KCNMB3: variants seen among roughly 807,000 people sequenced by gnomAD.
KCNMB3 encodes calcium-activated potassium channel subunit beta-3.
Under a neutral mutation model 11.9 loss-of-function variants are expected in KCNMB3, and 18 were observed. That is an observed-to-expected ratio of 1.51 (90% confidence interval 1.04 to 2.23). The LOEUF (loss-of-function observed/expected upper bound fraction) is 2.23. Ranked by LOEUF, KCNMB3 falls within the 30% of genes most tolerant of loss-of-function variation. The pLI is 0.00. For synonymous variants in KCNMB3, 78 were observed against 119.2 expected, an observed-to-expected ratio of 0.65 and a Z score of 2.25; for missense variants, 247 against 329.4, an observed-to-expected ratio of 0.75 and a Z score of 1.94.
intron 1 of KCNMB3, among the ~76,000 whole-genome samples, chr3:179,262,959 C>T (rs902812613): frequency 6.6e-6 from 1 of 152,250 alleles, no homozygotes; most frequent in African/African-American, 2.4e-5. Flanking sequence ...TTCTCCAAGT[C>T]CCCACCAGAC....
downstream of KCNMB3, chr3:179,240,225 A>C (rs1725419152): frequency 1.8e-6 from 1 of 548,972 alleles, no homozygotes; most frequent in South Asian, 2.7e-5. Flanking sequence ...AGTTCTTTTC[A>C]GTAATGACTA....
chr3:179,264,095 C>T (rs1726306569), intron 1 of KCNMB3, among the ~76,000 whole-genome samples: 1 of 152,078 alleles, frequency 6.6e-6, no homozygotes, highest in South Asian at 2.1e-4. Flanking sequence ...CATAATCCAC[C>T]GCACCTGGCC....
chr3:179,263,008 C>A (rs898545481), intron 1 of KCNMB3, among the ~76,000 whole-genome samples: 1 of 152,244 alleles, frequency 6.6e-6, no homozygotes, highest in East Asian at 1.9e-4. Context: ...GATCCCGCAC[C>A]GGGGCCACAG....
chr3:179,261,108 G>T, intron 1 of KCNMB3: 1 of 1,227,042 alleles, frequency 8.1e-7, no homozygotes, highest in Non-Finnish European at 1.2e-6. Context: ...TATTTTTCTG[G>T]TCTCTCTTCT....
At chr3:179,258,915 T>G in intron 1 of KCNMB3, 4 of 1,608,980 alleles carry the variant, frequency 2.5e-6, no homozygotes, top group Non-Finnish European at 3.4e-6. Context: ...TGGCATACAG[T>G]GCATCTCTAT....
chr3:179,258,889 T>C (rs1726108146), intron 1 of KCNMB3: 3 of 1,596,024 alleles, frequency 1.9e-6, no homozygotes, highest in Middle Eastern at 1.7e-4. Flanking sequence ...CTTAAAGCAG[T>C]AGATCACCTG....
At chr3:179,260,705 T>TC in intron 1 of KCNMB3, 1 of 1,412,692 alleles carries the variant, frequency 7.1e-7, no homozygotes, top group Non-Finnish European at 1.0e-6. Flanking sequence ...CTCGAGCATT[T>TC]CCTCTGTTTG....
intron 1 of KCNMB3, among the ~76,000 whole-genome samples, 168 bp downstream of exon 1, chr3:179,250,575 C>A (rs1560156963): frequency 6.6e-6 from 1 of 152,192 alleles, no homozygotes; most frequent in African/African-American, 2.4e-5. Context: ...TTCCTCCACA[C>A]CCAGCTGCCC....
At chr3:179,252,943 A>G (rs546419903), upstream of KCNMB3, among the ~76,000 whole-genome samples, 6 of 152,062 alleles carry the variant, frequency 3.9e-5, no homozygotes, top group East Asian at 9.7e-4. Context: ...TGTTAGCCAG[A>G]ATGGTCTCCA....
At position 179,260,541 on chromosome 3, in the gene KCNMB3, T is replaced by G. The variant is rs1041101846; in HGVS notation, c.62+6108A>C. ...CACGATTTCATTCTTCACCTCCACC[T>G]CACTGGCTTTCCTAGGGTCCCATCC... On this transcript the variant is annotated intron_variant, in intron 1 of 3. Transcript: ENST00000349697. 7 of 1,595,256 alleles carry G rather than the reference T, an allele frequency of 4.4e-6. No individual in the cohort carries two copies. In the African/African-American group the frequency reaches 9.4e-5, roughly 21 times the overall value.
upstream of KCNMB3, chr3:179,251,737 GT>G (rs1175138803): frequency 1.8e-4 from 172 of 964,542 alleles, no homozygotes; most frequent in Non-Finnish European, 2.1e-4. Flanking sequence ...GTGTTTTTTG[GT>G]TTTTTTTGAG....
chr3:179,262,686 C>G lies in KCNMB3; in HGVS notation c.62+3963G>C, dbSNP rs1726258648. 1.3e-5 allele frequency among the ~76,000 whole-genome samples: 2 copies of G among 152,206 alleles called. 1 individual carries two copies. Among genetic ancestry groups the G allele is most frequent in the African/African-American group, 4.8e-5 (2 of 41,448 alleles). On this transcript the variant is annotated intron_variant, in intron 1 of 3. Coordinates refer to the KCNMB3 transcript ENST00000349697. Reference sequence around the variant, plus strand: ...CCATTTTACAGAGAGCTAATTGGCCCATTTTGACAGGGTGCTGATTGGTGC... The same window carrying G: ...CCATTTTACAGAGAGCTAATTGGCCGATTTTGACAGGGTGCTGATTGGTGC...
At chr3:179,259,123 A>G (rs1040490519) in intron 1 of KCNMB3, 45 of 1,582,098 alleles carry the variant, frequency 2.8e-5, no homozygotes, top group African/African-American at 1.1e-4. Context: ...CCTGGTGCCA[A>G]CAAGTCATGG....
At chr3:179,255,184 AATAC>A (rs1416935519), upstream of KCNMB3, among the ~76,000 whole-genome samples, 1 of 151,864 alleles carries the variant, frequency 6.6e-6, no homozygotes, top group Admixed American at 6.6e-5. Flanking sequence ...TGAATAAATA[AATAC>A]ATAATAAAAA....
In KCNMB3 at chr3:179,251,088, T is replaced by C. The variant is rs750472943; in HGVS notation, c.-98A>G. ...ACAAAATGAAATCCCAGTTCAGAGC[T>C]TGGTGAAAAGTCCATCTAAATAAGC... On this transcript the variant is annotated 5_prime_UTR_variant, in exon 1 of 3. Transcript: ENST00000392685. 5 of 1,614,208 alleles carry C rather than the reference T, an allele frequency of 3.1e-6. No homozygotes were observed. The highest frequency in any genetic ancestry group is 4.2e-6 in the Non-Finnish European group (5 of 1,180,024).
intron 1 of KCNMB3, chr3:179,266,637 G>C: frequency 1.2e-6 from 2 of 1,613,962 alleles, no homozygotes; most frequent in Non-Finnish European, 8.5e-7. Context: ...AGAGCTTCCG[G>C]AAGTGACTTA....
chr3:179,240,659 A>G (rs1320823816), downstream of KCNMB3: 1 of 152,190 alleles, frequency 6.6e-6, no homozygotes, highest in East Asian at 1.9e-4. Flanking sequence ...TTTTGAATTG[A>G]CTTTGTTCTC....
At chr3:179,252,904 G>C (rs1265208416), upstream of KCNMB3, among the ~76,000 whole-genome samples, 3 of 151,956 alleles carry the variant, frequency 2.0e-5, no homozygotes, top group South Asian at 4.2e-4. Flanking sequence ...GCTAATTTTT[G>C]TATTTTTAGT....
At chr3:179,259,507 T>C (rs1726131596) in intron 1 of KCNMB3, 3 of 1,612,150 alleles carry the variant, frequency 1.9e-6, no homozygotes, top group Non-Finnish European at 2.5e-6. Flanking sequence ...ATTTTAGGAT[T>C]CTCTGGACAA....
Sources: allele counts gnomAD v4.1 joint callset (sites outside exome capture counted in the v4.1 genomes callset), GRCh38; gene constraint gnomAD v4.1.1; transcripts MANE v1.5; gene names NCBI Gene and HGNC (gene_info 2026-07-23, HGNC 2026-07-21).